STPG2: variants seen among roughly 807,000 people sequenced by gnomAD.
STPG2 encodes the protein sperm-tail PG-rich repeat-containing protein 2.
A neutral mutation model predicts 54.2 loss-of-function variants in STPG2; 56 were observed. The ratio of observed to expected loss-of-function variants is 1.03; its 90% CI spans 0.83 to 1.29. The LOEUF (loss-of-function observed/expected upper bound fraction) is 1.29, where lower values mean the gene tolerates loss of function less well. Among genes scored for constraint, STPG2 ranks in the 50% most tolerant of loss-of-function variants. The pLI is 0.00. For synonymous variants in STPG2, 200 were observed against 181.8 expected, an observed-to-expected ratio of 1.10 and a Z score of -0.81; for missense variants, 596 against 544.9, an observed-to-expected ratio of 1.09 and a Z score of -0.93.
chr4:97,481,457 G>T (rs892644799), intron 4 of STPG2, among the ~76,000 whole-genome samples: 5 of 151,552 alleles, frequency 3.3e-5, no homozygotes, highest in Non-Finnish European at 7.4e-5. Flanking sequence ...AATTTGGAGA[G>T]AATTCACATT....
intron 3 of STPG2, among the ~76,000 whole-genome samples, chr4:98,115,233 C>T (rs1219429623): frequency 6.6e-6 from 1 of 151,864 alleles, no homozygotes; most frequent in Non-Finnish European, 1.5e-5. Flanking sequence ...GCCCAAAGTG[C>T]AATAATTCAA....
intron 10 of STPG2, among the ~76,000 whole-genome samples, chr4:97,578,119 T>C (rs1398221292): frequency 9.2e-6 from 1 of 109,182 alleles, no homozygotes; most frequent in Non-Finnish European, 1.9e-5. Flanking sequence ...TTTTTTTTTT[T>C]TGAGATGGAG....
chr4:97,940,670 A>G (rs939296203), intron 8 of STPG2, among the ~76,000 whole-genome samples: 5 of 152,142 alleles, frequency 3.3e-5, no homozygotes, highest in Admixed American at 6.5e-5. Context: ...GTTCTTTTTT[A>G]TACCAGCTAT....
intron 5 of STPG2, among the ~76,000 whole-genome samples, chr4:98,089,167 A>C (rs1435861900): frequency 6.6e-6 from 1 of 152,040 alleles, no homozygotes; most frequent in Admixed American, 6.6e-5. Context: ...GACATTGTAT[A>C]CTGTACCCAG....
intron 10 of STPG2, among the ~76,000 whole-genome samples, chr4:97,607,391 C>T (rs1733623493): frequency 6.6e-6 from 1 of 151,994 alleles, no homozygotes; most frequent in Admixed American, 6.6e-5. Flanking sequence ...TTTACAAGAA[C>T]ATTGTTGAAG....
chr4:97,533,534 T>C (rs1266437091), intron 4 of STPG2, among the ~76,000 whole-genome samples: 2 of 152,166 alleles, frequency 1.3e-5, no homozygotes, highest in African/African-American at 4.8e-5. Flanking sequence ...TATATAACAT[T>C]TCCTTCATGC....
chr4:98,018,773 G>C (rs901029035), intron 5 of STPG2, among the ~76,000 whole-genome samples: 1 of 151,870 alleles, frequency 6.6e-6, no homozygotes, highest in Non-Finnish European at 1.5e-5. Flanking sequence ...GGCCAGTGAT[G>C]ATGAGCATTT....
chr4:97,807,564 C>T (rs1296442162), intron 9 of STPG2, among the ~76,000 whole-genome samples: 2 of 151,346 alleles, frequency 1.3e-5, no homozygotes, highest in East Asian at 3.9e-4. Flanking sequence ...AGATTATACA[C>T]AGAAGAGAGA....
intron 4 of STPG2, among the ~76,000 whole-genome samples, chr4:97,495,608 C>T (rs1296181882): frequency 2.0e-5 from 3 of 149,188 alleles, no homozygotes; most frequent in African/African-American, 4.9e-5. Context: ...TATTAATTAT[C>T]TGTATTTACA....
At chr4:97,986,547 C>T (rs1453219114) in intron 5 of STPG2, among the ~76,000 whole-genome samples, 1 of 152,190 alleles carries the variant, frequency 6.6e-6, no homozygotes, top group Non-Finnish European at 1.5e-5. Context: ...ATATAGCTTA[C>T]ATGTTAACAC....
intron 4 of STPG2, among the ~76,000 whole-genome samples, chr4:97,480,494 T>C (rs1404664361): frequency 1.3e-5 from 2 of 151,526 alleles, no homozygotes; most frequent in Non-Finnish European, 3.0e-5. Flanking sequence ...AAAAACCAGA[T>C]AAAAACATTA....
At chr4:97,850,572 ATTAT>A (rs1451723898) in intron 8 of STPG2, among the ~76,000 whole-genome samples, 1 of 151,922 alleles carries the variant, frequency 6.6e-6, no homozygotes, top group African/African-American at 2.4e-5. Flanking sequence ...TATGCACGTC[ATTAT>A]TTATATTTCT....
intron 8 of STPG2, among the ~76,000 whole-genome samples, chr4:97,841,521 G>A (rs1024403579): frequency 2.0e-5 from 3 of 151,552 alleles, no homozygotes; most frequent in Non-Finnish European, 4.4e-5. Context: ...TATATTTGTT[G>A]GACAAGTAAT....
intron 5 of STPG2, among the ~76,000 whole-genome samples, chr4:98,056,861 C>A (rs796478366): frequency 6.6e-6 from 1 of 152,120 alleles, no homozygotes; most frequent in East Asian, 1.9e-4. Context: ...CTCTCTCTCC[C>A]GCCACTCTAC....
intron 9 of STPG2, among the ~76,000 whole-genome samples, chr4:97,796,072 T>G (rs1265573013): frequency 2.0e-5 from 3 of 152,232 alleles, no homozygotes; most frequent in Non-Finnish European, 4.4e-5. Context: ...GTAAATTTGT[T>G]TGAGTTCTTT....
At chr4:98,041,341 T>C (rs1736950779) in intron 5 of STPG2, among the ~76,000 whole-genome samples, 1 of 151,998 alleles carries the variant, frequency 6.6e-6, no homozygotes, top group Admixed American at 6.6e-5. Context: ...CTGATTGCTC[T>C]GGCTAGAACT....
At chr4:97,702,720 C>T (rs528286948) in intron 10 of STPG2, among the ~76,000 whole-genome samples, 1 of 152,142 alleles carries the variant, frequency 6.6e-6, no homozygotes, top group Non-Finnish European at 1.5e-5. Context: ...CCAGAGTTTA[C>T]AAGCTCAGTG....
intron 5 of STPG2, among the ~76,000 whole-genome samples, chr4:98,049,580 A>G (rs1737248069): frequency 6.6e-6 from 1 of 152,220 alleles, no homozygotes; most frequent in Admixed American, 6.5e-5. Context: ...AATGATCACC[A>G]TTGGAGGATG....
intron 7 of STPG2, among the ~76,000 whole-genome samples, chr4:97,962,770 G>C (rs141121898): frequency 1.3e-5 from 2 of 152,324 alleles, no homozygotes; most frequent in Non-Finnish European, 2.9e-5. Context: ...CACGAGATCA[G>C]TGGCAGAGCA....
Sources: gnomAD v4.1 joint callset for allele counts (sites outside exome capture counted in the v4.1 genomes callset) on GRCh38, gnomAD v4.1.1 for gene constraint, MANE v1.5 for transcripts, NCBI Gene and HGNC (gene_info 2026-07-23, HGNC 2026-07-21) for gene names.